Variants in COL5A2 observed in about 807,000 individuals in gnomAD.
The protein encoded by COL5A2 is collagen type V alpha 2 chain, also known as collagen alpha-2(V) chain.
A neutral mutation model predicts 208.2 loss-of-function variants in COL5A2; 23 were observed. The ratio of observed to expected loss-of-function variants is 0.11; its 90% CI spans 0.08 to 0.16. COL5A2 has a LOEUF of 0.16. Among genes scored for constraint, COL5A2 ranks in the 10% least tolerant of loss-of-function variants. The pLI, the probability that COL5A2 is intolerant of heterozygous loss-of-function variation, is 1.00. For synonymous variants in COL5A2, 625 were observed against 628.5 expected (o/e 0.99, Z 0.08); for missense variants, 1,590 against 1,956.4 (o/e 0.81, Z 3.53).
the COL5A2 span, among the ~76,000 whole-genome samples, chr2:189,376,891 G>A: frequency 2.6e-5 from 4 of 152,078 alleles, no homozygotes; most frequent in Non-Finnish European, 5.9e-5. Flanking sequence ...AGGAACTAGA[G>A]ACTAGGCAGG....
the COL5A2 span, among the ~76,000 whole-genome samples, chr2:189,402,828 T>C: frequency 6.6e-6 from 1 of 152,236 alleles, no homozygotes; most frequent in African/African-American, 2.4e-5. Context: ...TAGTATAGTT[T>C]GAATTCTGGC....
At chr2:189,214,078 T>C (rs1045492838) in intron 1 of COL5A2, among the ~76,000 whole-genome samples, 3 of 152,212 alleles carry the variant, frequency 2.0e-5, no homozygotes, top group African/African-American at 7.2e-5. Flanking sequence ...TACACTTCTA[T>C]AGTTATTTGT....
chr2:189,419,680 T>C, the COL5A2 span, among the ~76,000 whole-genome samples: 6 of 151,422 alleles, frequency 4.0e-5, no homozygotes, highest in African/African-American at 1.2e-4. Flanking sequence ...TCTATAGTCC[T>C]AGCTACTGGA....
chr2:189,279,529 T>TAA, the COL5A2 span, among the ~76,000 whole-genome samples: 98 of 114,520 alleles, frequency 8.6e-4, no homozygotes, highest in African/African-American at 2.8e-3. Flanking sequence ...AGCATTTTTG[T>TAA]AAAAAAAAAA....
At chr2:189,256,099 G>A in the COL5A2 span, among the ~76,000 whole-genome samples, 1 of 152,144 alleles carries the variant, frequency 6.6e-6, no homozygotes, top group East Asian at 1.9e-4. Context: ...AGAGTACCTG[G>A]CACTGAGGAT....
At chr2:189,043,568 A>G (rs1412677515) in intron 47 of COL5A2, among the ~76,000 whole-genome samples, 1 of 152,152 alleles carries the variant, frequency 6.6e-6, no homozygotes, top group Admixed American at 6.5e-5. Context: ...CCTATCTGAA[A>G]TGTTTTTTAA....
intron 1 of COL5A2, among the ~76,000 whole-genome samples, chr2:189,120,143 A>G (rs6749559): frequency 0.77 from 116,513 of 151,970 alleles, 48,024 homozygotes; most frequent in South Asian, 0.91. Context: ...AGTACAAAAG[A>G]AAACTTTGGA....
intron 1 of COL5A2, among the ~76,000 whole-genome samples, chr2:189,165,370 C>T (rs1429906661): frequency 6.6e-6 from 1 of 151,990 alleles, no homozygotes; most frequent in East Asian, 1.9e-4. Context: ...TCAAATCTCC[C>T]AGTTATAGTT....
intron 1 of COL5A2, among the ~76,000 whole-genome samples, chr2:189,174,189 T>C (rs1394624306): frequency 6.6e-6 from 1 of 152,226 alleles, no homozygotes. Flanking sequence ...ATTAGGTACC[T>C]GTCTAGAATG....
At chr2:189,310,750 A>G in the COL5A2 span, among the ~76,000 whole-genome samples, 14 of 147,220 alleles carry the variant, frequency 9.5e-5, no homozygotes, top group Admixed American at 9.5e-4. Context: ...AAAAAAAAAA[A>G]GAATGAGATC....
chr2:189,341,226 G>C, the COL5A2 span, among the ~76,000 whole-genome samples: 1 of 152,136 alleles, frequency 6.6e-6, no homozygotes, highest in African/African-American at 2.4e-5. Flanking sequence ...GTCATGTAGA[G>C]TGACTAACAT....
At chr2:189,162,460 T>G (rs972370066) in intron 1 of COL5A2, among the ~76,000 whole-genome samples, 3 of 152,144 alleles carry the variant, frequency 2.0e-5, no homozygotes, top group African/African-American at 7.2e-5. Context: ...CAAAGCAAAT[T>G]CTAATGTTAC....
At chr2:189,398,200 A>C in the COL5A2 span, among the ~76,000 whole-genome samples, 1 of 152,262 alleles carries the variant, frequency 6.6e-6, no homozygotes, top group South Asian at 2.1e-4. Flanking sequence ...ATCTGATAAA[A>C]TGTGTTGAGC....
chr2:189,224,688 CA>C (rs57628574), intron 1 of COL5A2, among the ~76,000 whole-genome samples: 4,939 of 148,728 alleles, frequency 0.033, 86 homozygotes, highest in Admixed American at 0.048. Context: ...GACTCTGTCT[CA>C]AAAAAAAATT....
At chr2:189,196,543 AT>A (rs1312142502) in intron 1 of COL5A2, among the ~76,000 whole-genome samples, 1 of 146,766 alleles carries the variant, frequency 6.8e-6, no homozygotes, top group African/African-American at 2.5e-5. Context: ...TATTGTTAGA[AT>A]CCAGCTTACT....
intron 16 of COL5A2, 108 bp downstream of exon 16, chr2:189,078,408 G>T: frequency 1.2e-6 from 1 of 821,548 alleles, no homozygotes; most frequent in South Asian, 1.5e-5. Flanking sequence ...AAAAAAAAAA[G>T]GTGACCAGTA....
chr2:189,431,386 C>T, the COL5A2 span, among the ~76,000 whole-genome samples: 1 of 152,130 alleles, frequency 6.6e-6, no homozygotes, highest in Non-Finnish European at 1.5e-5. Flanking sequence ...TCAGTAATAA[C>T]ACACTTCTCC....
intron 1 of COL5A2, among the ~76,000 whole-genome samples, chr2:189,219,458 A>G (rs2351632): frequency 0.15 from 22,458 of 152,146 alleles, 2,848 homozygotes; most frequent in African/African-American, 0.34. Flanking sequence ...CTTTCCTTAT[A>G]GAGAGTCTCT....
chr2:189,043,049 T>C, intron 48 of COL5A2, 102 bp downstream of exon 48: 1 of 893,138 alleles, frequency 1.1e-6, no homozygotes. Flanking sequence ...GAAAATAAGA[T>C]ACAAACATAT....
Sources: gnomAD v4.1 joint callset for allele counts (sites outside exome capture counted in the v4.1 genomes callset) on GRCh38, gnomAD v4.1.1 for gene constraint, MANE v1.5 for transcripts, NCBI Gene and HGNC (gene_info 2026-07-23, HGNC 2026-07-21) for gene names.